The following LARS1 variants were observed in gnomAD, a reference collection of about 807,000 sequenced individuals.
LARS1 encodes leucine--tRNA ligase, cytoplasmic.
In LARS1, 100 loss-of-function variants were observed where a neutral mutation model predicts 162.8. The observed-to-expected ratio is 0.61, with a 90% CI of 0.52 to 0.73. LARS1 has a LOEUF of 0.73. Among genes scored for constraint, LARS1 ranks in the 30% least tolerant of loss-of-function variants. The probability of loss-of-function intolerance (pLI) is 0.00; values close to 1 mark genes in which losing one functional copy is unlikely to be tolerated. For synonymous variants in LARS1, 457 were observed against 462.8 expected (o/e 0.99, Z 0.16); for missense variants, 1,258 against 1,408.9 (o/e 0.89, Z 1.71).
chr5:146,144,195 GA>G (rs1271442928), intron 18 of LARS1, 71 bp downstream of exon 18: 13 of 1,120,772 alleles, frequency 1.2e-5, no homozygotes, highest in Non-Finnish European at 1.6e-5. Context: ...GGGCAGGGGG[GA>G]AAGGTAAAAA....
At chr5:146,159,551 T>C in intron 7 of LARS1, 81 bp from the exon 8 acceptor site, 2 of 1,028,368 alleles carry the variant, frequency 1.9e-6, no homozygotes, top group Non-Finnish European at 3.0e-6. Flanking sequence ...TTGCACCTAA[T>C]TTCTTACATG....
rs1477762703 is a variant in LARS1, at chr5:146,157,435, C to T, written c.1033G>A (p.Val345Met). ...SYQGFTKDNG[V>M]VPVVKELMGE... ...ATTAATTCCTTAACAACAGGCACCA[C>T]GCCATTGTCTTTGGTAAAGCCCTGG... Residue 345 changes from valine (V) to methionine (M), a missense_variant, in exon 10 of 32, where the codon GTG becomes ATG. Val to Met is a conservative substitution (Grantham distance 21, BLOSUM62 1). Transcript: ENST00000394434. The T allele has an allele frequency of 1.1e-5, 18 of 1,614,036 alleles. No individual in the cohort carries two copies. The highest frequency in any genetic ancestry group is 1.7e-5 in the Admixed American group (1 of 59,994).
chr5:146,126,609 A>G, intron 27 of LARS1, 64 bp from the exon 28 acceptor site: 1 of 1,047,250 alleles, frequency 9.5e-7, no homozygotes, highest in Non-Finnish European at 1.5e-6. Context: ...GCAGAACAGT[A>G]GATGTGACCA....
Position 146,144,972 on chromosome 5 carries a change from T to C in LARS1, c.1504-263A>G, listed in dbSNP as rs142186004. Among the ~76,000 whole-genome samples the C allele has an allele frequency of 3.6e-3, 542 of 152,116 alleles. 6 individuals carry two copies. Among genetic ancestry groups the C allele is most frequent in the South Asian group, 0.03 (147 of 4,824 alleles). On this transcript the variant is annotated intron_variant, in intron 15 of 31. Coordinates refer to ENST00000394434, the MANE Select transcript of LARS1 (RefSeq NM_020117.11). ...TTTCATTTCAGTGAAAATTAAAAAG[T>C]GAACAAAAAGGAAAAAAAAACACAA...
At chr5:146,147,668 C>A (rs1753075049) in intron 15 of LARS1, among the ~76,000 whole-genome samples, 1 of 151,740 alleles carries the variant, frequency 6.6e-6, no homozygotes, top group African/African-American at 2.4e-5. Context: ...CAAAGAGGAC[C>A]AACAGGACTG....
chr5:146,180,327 G>A (rs948246617), intron 1 of LARS1, among the ~76,000 whole-genome samples: 14 of 152,110 alleles, frequency 9.2e-5, no homozygotes, highest in African/African-American at 2.9e-4. Flanking sequence ...GAGGTCAGGC[G>A]TTCAAGACCA....
At position 146,144,727 on chromosome 5, in the gene LARS1, A is replaced by G; in HGVS notation, c.1504-18T>C. 1 of 1,587,366 alleles carries G rather than the reference A, an allele frequency of 6.3e-7. No homozygotes were observed. The highest frequency in any genetic ancestry group is 8.6e-7 in the Non-Finnish European group (1 of 1,156,224). ...GCATCTCCCTAAAGGAAGGTAAATA[A>G]ACATACATTAGATACTATGTCAAAT... On this transcript the variant is annotated intron_variant, in intron 15 of 31. Transcript: ENST00000394434.
At chr5:146,175,701 G>A (rs1454189416) in intron 2 of LARS1, among the ~76,000 whole-genome samples, 2 of 151,702 alleles carry the variant, frequency 1.3e-5, no homozygotes, top group Non-Finnish European at 2.9e-5. Context: ...GGTGGCAGCC[G>A]CCTGTAGTTC....
rs200835721 is a variant in LARS1, at chr5:146,145,163, G to A, written c.1504-454C>T. Among the ~76,000 whole-genome samples the A allele has an allele frequency of 5.3e-5, 8 of 152,026 alleles. No homozygotes were observed. In the East Asian group the frequency reaches 5.8e-4, roughly 11 times the overall value. ...CACTATCATGGCTCACTACAACCTCGACCTCCTGGCTCATGTGACCCTTCT... is the reference window on the plus strand; with the variant it reads ...CACTATCATGGCTCACTACAACCTCAACCTCCTGGCTCATGTGACCCTTCT... On this transcript the variant is annotated intron_variant, in intron 15 of 31. Transcript: ENST00000394434.
intron 29 of LARS1, among the ~76,000 whole-genome samples, chr5:146,122,875 G>C (rs1313991776): frequency 6.6e-6 from 1 of 151,900 alleles, no homozygotes. Flanking sequence ...CAGCATAAGA[G>C]GCTTCCACTT....
In LARS1 at chr5:146,146,300, A is replaced by G. The variant is rs548630743; in HGVS notation, c.1504-1591T>C. The stretch of plus-strand genomic sequence containing the variant: ...GGCTGCGGTGAGCTGAGATCGTGCC[A>G]TTGCACTCCAGCAGCCTGGGCAACA... On this transcript the variant is annotated intron_variant, in intron 15 of 31. Transcript: ENST00000394434. Among the ~76,000 whole-genome samples, 213 of 150,118 alleles carry G rather than the reference A, an allele frequency of 1.4e-3. 2 individuals carry two copies. The highest frequency in any genetic ancestry group is 2.7e-4 in the Non-Finnish European group (18 of 67,616).
intron 2 of LARS1, among the ~76,000 whole-genome samples, chr5:146,173,789 C>T (rs1319050310): frequency 2.6e-5 from 4 of 152,080 alleles, no homozygotes; most frequent in African/African-American, 9.7e-5. Flanking sequence ...AACCGACATT[C>T]TGAAATTTGC....
intron 31 of LARS1, 164 bp downstream of exon 31, chr5:146,120,207 A>G (rs1343835830): frequency 1.4e-6 from 1 of 729,090 alleles, no homozygotes; most frequent in South Asian, 1.8e-5. Flanking sequence ...ACCTAGCCAC[A>G]GAGTCCCAAA....
rs189240757 is a variant in LARS1, at chr5:146,143,248, A to T, written c.1877+164T>A. ...ATAAGAATGAAGAATAGATGATGACAGTAAGGGGCTATTTATTAATTTTTC... is the reference window on the plus strand; with the variant it reads ...ATAAGAATGAAGAATAGATGATGACTGTAAGGGGCTATTTATTAATTTTTC... On this transcript the variant is annotated intron_variant, in intron 19 of 31. Transcript: ENST00000394434. The T allele has an allele frequency of 3.3e-6, 3 of 910,686 alleles. No individual in the cohort carries two copies. In the East Asian group the frequency reaches 7.6e-5, roughly 23 times the overall value. 56.4% of individuals were successfully genotyped at this position (910,686 alleles called of 1,614,324 possible).
chr5:146,131,256 T>C, intron 23 of LARS1, 147 bp from the exon 24 acceptor site: 1 of 503,556 alleles, frequency 2.0e-6, no homozygotes. Context: ...ATGAGAACAA[T>C]GCCCAGAACA....
intron 3 of LARS1, among the ~76,000 whole-genome samples, 157 bp downstream of exon 3, chr5:146,172,530 A>G (rs1754327755): frequency 6.6e-6 from 1 of 151,910 alleles, no homozygotes; most frequent in South Asian, 2.1e-4. Flanking sequence ...TAAATAAATA[A>G]AAATAAAAAT....
intron 5 of LARS1, among the ~76,000 whole-genome samples, chr5:146,165,630 C>G (rs1360654150): frequency 6.7e-6 from 1 of 148,526 alleles, no homozygotes; most frequent in Non-Finnish European, 1.5e-5. Context: ...TGTGACAAAT[C>G]TATCTAACTG....
chr5:146,128,637 A>AC, intron 27 of LARS1, 35 bp downstream of exon 27: 1 of 1,397,380 alleles, frequency 7.2e-7, no homozygotes, highest in Non-Finnish European at 9.7e-7. Context: ...AGCATACAAC[A>AC]CCATCAGGGG....
chr5:146,180,883 T>C (rs1422652975), intron 1 of LARS1: 1 of 152,180 alleles, frequency 6.6e-6, no homozygotes, highest in African/African-American at 2.4e-5. Flanking sequence ...TTTTCAGGGG[T>C]TGTCCTGTGC....
Sources: allele counts gnomAD v4.1 joint callset (sites outside exome capture counted in the v4.1 genomes callset), GRCh38; gene constraint gnomAD v4.1.1; transcripts MANE v1.5; gene names NCBI Gene and HGNC (gene_info 2026-07-23, HGNC 2026-07-21).